Variants in SLC38A4 observed in about 807,000 individuals in gnomAD.
SLC38A4 encodes the protein solute carrier family 38 member 4.
Under a neutral mutation model 63.1 loss-of-function variants are expected in SLC38A4, and 20 were observed. That is an observed-to-expected ratio of 0.32 (90% confidence interval 0.22 to 0.46). The LOEUF (loss-of-function observed/expected upper bound fraction) is 0.46. SLC38A4 is among the 20% of genes least tolerant of loss of function. SLC38A4 has a pLI of 1.00. For synonymous variants in SLC38A4, 230 were observed against 225.5 expected, an observed-to-expected ratio of 1.02 and a Z score of -0.18; for missense variants, 526 against 663.6, an observed-to-expected ratio of 0.79 and a Z score of 2.28.
chr12:46,787,762 C>A (rs1938793148), intron 5 of SLC38A4, among the ~76,000 whole-genome samples, 154 bp downstream of exon 5: 1 of 152,160 alleles, frequency 6.6e-6, no homozygotes, highest in South Asian at 2.1e-4. Flanking sequence ...ACACTTTCTG[C>A]CGTTGGGTTA....
intron 1 of SLC38A4, among the ~76,000 whole-genome samples, chr12:46,814,880 G>A (rs967748213): frequency 1.3e-5 from 2 of 151,684 alleles, no homozygotes; most frequent in African/African-American, 2.4e-5. Flanking sequence ...ATTAATTTGA[G>A]GTTAACCTGG....
intron 4 of SLC38A4, 118 bp downstream of exon 4, chr12:46,788,410 A>G (rs1266329669): frequency 1.3e-6 from 1 of 774,012 alleles, no homozygotes; most frequent in Non-Finnish European, 2.1e-6. Flanking sequence ...GCCTGAATAA[A>G]CACAGAATGT....
chr12:46,800,962 C>T (rs1181889745), intron 2 of SLC38A4, among the ~76,000 whole-genome samples: 1 of 152,098 alleles, frequency 6.6e-6, no homozygotes, highest in African/African-American at 2.4e-5. Context: ...CAAAATGCTT[C>T]TAAAAGAAAA....
intron 2 of SLC38A4, among the ~76,000 whole-genome samples, chr12:46,803,237 T>C (rs1239200295): frequency 6.6e-6 from 1 of 152,058 alleles, no homozygotes; most frequent in Admixed American, 6.6e-5. Flanking sequence ...TTCTGAACTT[T>C]CATATTTTTT....
intron 1 of SLC38A4, among the ~76,000 whole-genome samples, chr12:46,815,284 T>TATATATATATAC (rs1555173035): frequency 6.0e-5 from 5 of 82,970 alleles, no homozygotes; most frequent in African/African-American, 1.0e-4. Context: ...TATATATATA[T>TATATATATATAC]ACACACACAC....
chr12:46,820,546 A>G (rs1175053789), intron 1 of SLC38A4, among the ~76,000 whole-genome samples: 5 of 152,030 alleles, frequency 3.3e-5, no homozygotes, highest in African/African-American at 7.2e-5. Flanking sequence ...CATTTTATGT[A>G]TATACCACGT....
At position 46,778,632 on chromosome 12, in the gene SLC38A4, C is replaced by G; in HGVS notation, c.862G>C (p.Asp288His). 1 of 1,612,896 alleles carries G rather than the reference C, an allele frequency of 6.2e-7. No homozygotes were observed. Among genetic ancestry groups the G allele is most frequent in the East Asian group, 2.2e-5 (1 of 44,808 alleles). ...SESSDVNFMM[D>H]YTHRNPAGLD... is the part of the protein sequence containing the mutation. ...CCTGCAGGATTGCGGTGGGTGTAATCCATCATGAAGTTCACATCAGAACTC... is the reference window on the plus strand; with the variant it reads ...CCTGCAGGATTGCGGTGGGTGTAATGCATCATGAAGTTCACATCAGAACTC... Residue 288 changes from aspartate to histidine, a missense_variant, in exon 11 of 17, where the codon GAT becomes CAT. Asp to His is a moderately conservative substitution (Grantham distance 81). Coordinates refer to ENST00000266579, the MANE Select transcript of SLC38A4 (RefSeq NM_018018.5).
In SLC38A4 at chr12:46,768,406, C is replaced by A; in HGVS notation, c.1446G>T (p.Gly482=). The change falls in exon 16 of 17, where the codon GGG becomes GGT. Residue 482 remains glycine, a splice_region_variant and synonymous_variant. Transcript: ENST00000266579. ...PTIKYIFGFI[G]ASSATMLIFI... is the part of the protein sequence containing the mutation. ...AAATCAGCATAGTGGCAGAAGAAGC[C>A]CCTGAGAAGACAAACACAGGGCAAG... is the stretch of plus-strand genomic sequence containing the variant. 6.2e-7 allele frequency: 1 copy of A among 1,607,968 alleles called. No individual in the cohort carries two copies. The highest frequency in any genetic ancestry group is 1.1e-5 in the South Asian group (1 of 90,428).
intron 16 of SLC38A4, 43 bp from the exon 17 acceptor site, chr12:46,766,845 T>G (rs1310450537): frequency 7.3e-7 from 1 of 1,367,656 alleles, no homozygotes; most frequent in Non-Finnish European, 1.0e-6. Flanking sequence ...GAAACCATAC[T>G]TAGTACAATT....
chr12:46,787,983 C>G lies in SLC38A4; in HGVS notation c.259G>C (p.Ala87Pro). Reference sequence around the variant, plus strand: ...CCCAGGATCCCACTGCCCATGATGGCATTACTCAGGTTAAATGAAGACATT... The same window carrying G: ...CCCAGGATCCCACTGCCCATGATGGGATTACTCAGGTTAAATGAAGACATT... ...FGMSSFNLSNAIMGSGILGLS... is the reference protein window; with the variant it reads ...FGMSSFNLSNPIMGSGILGLS... The change falls in exon 5 of 17, where the codon GCC (alanine) becomes CCC (proline). Residue 87 changes from alanine to proline, a missense_variant. Ala to Pro is a conservative substitution (Grantham distance 27, BLOSUM62 -1). Coordinates refer to ENST00000266579, the MANE Select transcript of SLC38A4 (RefSeq NM_018018.5). 6.2e-7 allele frequency: 1 copy of G among 1,613,902 alleles called. No individual in the cohort carries two copies. Among genetic ancestry groups the G allele is most frequent in the Non-Finnish European group, 8.5e-7 (1 of 1,179,842 alleles).
chr12:46,791,870 A>C (rs1158629253), intron 3 of SLC38A4, among the ~76,000 whole-genome samples: 1 of 152,236 alleles, frequency 6.6e-6, no homozygotes, highest in South Asian at 2.1e-4. Context: ...AGAGGTGTCA[A>C]CACGGAGAAA....
At chr12:46,772,107 G>A (rs1938429008) in intron 14 of SLC38A4, among the ~76,000 whole-genome samples, 1 of 150,608 alleles carries the variant, frequency 6.6e-6, no homozygotes. Context: ...GGCACAGGAG[G>A]AAGTGAGAGT....
intron 1 of SLC38A4, among the ~76,000 whole-genome samples, chr12:46,805,318 T>A (rs1184722803): frequency 6.6e-6 from 1 of 152,054 alleles, no homozygotes; most frequent in Non-Finnish European, 1.5e-5. Context: ...AGCAAAATTC[T>A]TATTACAAAA....
At chr12:46,827,312 G>C (rs1417741939), upstream of SLC38A4, among the ~76,000 whole-genome samples, 1 of 152,150 alleles carries the variant, frequency 6.6e-6, no homozygotes, top group Non-Finnish European at 1.5e-5. Context: ...TTCAAATAAT[G>C]CTTTGGGTGG....
intron 12 of SLC38A4, 40 bp from the exon 13 acceptor site, chr12:46,777,044 T>G (rs1395273394): frequency 6.7e-7 from 1 of 1,502,440 alleles, no homozygotes. Context: ...TTTTTAAACT[T>G]ACAAAAAAAA....
rs557829981 is a variant in SLC38A4, at chr12:46,823,308, A to G, written c.-305+2595T>C. 5.9e-5 allele frequency among the ~76,000 whole-genome samples: 9 copies of G among 152,314 alleles called. No individual in the cohort carries two copies. The East Asian group carries it at 1.7e-3, about 29-fold the overall frequency. ...TCTGCCCTGCCCACACACACAGGAG[A>G]TATGACCCAGAAGAACAGCCTGCAA... On this transcript the variant is annotated intron_variant, in intron 1 of 16. Coordinates refer to ENST00000266579, the MANE Select transcript of SLC38A4 (RefSeq NM_018018.5).
At chr12:46,813,841 T>C (rs1939385160) in intron 1 of SLC38A4, among the ~76,000 whole-genome samples, 1 of 152,008 alleles carries the variant, frequency 6.6e-6, no homozygotes, top group Admixed American at 6.6e-5. Flanking sequence ...GTTATGAGGA[T>C]TAAGTAAGTT....
At chr12:46,780,129 C>T (rs1565665924) in intron 7 of SLC38A4, 99 bp from the exon 8 acceptor site, 5 of 890,566 alleles carry the variant, frequency 5.6e-6, no homozygotes, top group Admixed American at 4.0e-5. Flanking sequence ...ACATCTAATC[C>T]CCCAAATGGA....
Position 46,775,939 on chromosome 12 carries a change from G to A in SLC38A4, c.1175-766C>T, listed in dbSNP as rs546864124. 2.6e-4 allele frequency among the ~76,000 whole-genome samples: 39 copies of A among 151,816 alleles called. 2 individuals are homozygous for A. Among genetic ancestry groups the A allele is most frequent in the African/African-American group, 8.4e-4 (35 of 41,422 alleles). On this transcript the variant is annotated intron_variant, in intron 13 of 16. Coordinates refer to ENST00000266579, the MANE Select transcript of SLC38A4 (RefSeq NM_018018.5). ...AAATACCTTCAGTAGTATTGACCTC[G>A]TCATTCATTATTTCACAACCGGCAA...
Sources: gnomAD v4.1 joint callset for allele counts (sites outside exome capture counted in the v4.1 genomes callset) on GRCh38, gnomAD v4.1.1 for gene constraint, MANE v1.5 for transcripts, NCBI Gene and HGNC (gene_info 2026-07-23, HGNC 2026-07-21) for gene names.